Variants in DPYD observed in about 807,000 individuals in gnomAD.
DPYD encodes the protein dihydropyrimidine dehydrogenase [NADP(+)].
A neutral mutation model predicts 116.2 loss-of-function variants in DPYD; 109 were observed. The ratio of observed to expected loss-of-function variants is 0.94; its 90% CI spans 0.80 to 1.10. The LOEUF (loss-of-function observed/expected upper bound fraction) is 1.10. Ranked by LOEUF, DPYD falls within the 50% of genes least tolerant of loss-of-function variation. DPYD has a pLI of 0.00. For missense variants in DPYD, 1,302 were observed against 1,254.5 expected (o/e 1.04, Z -0.57); for synonymous variants, 440 against 432.0 (o/e 1.02, Z -0.23).
Position 97,450,054 on chromosome 1 carries a change from C to T in DPYD, c.1905+5G>A, listed in dbSNP as rs373620536. The stretch of plus-strand genomic sequence containing the variant: ...CTCTTGTTTTAGATGTTAAATCACA[C>T]TTACGTTGTCTGGAAAGTCAGCCTT... On this transcript the variant is annotated splice_donor_5th_base_variant and intron_variant, in intron 14 of 22. Transcript: ENST00000370192. The T allele has an allele frequency of 1.9e-6, 3 of 1,613,838 alleles. No individual in the cohort carries two copies. Among genetic ancestry groups the T allele is most frequent in the African/African-American group, 1.3e-5 (1 of 75,028 alleles).
intron 11 of DPYD, among the ~76,000 whole-genome samples, chr1:97,554,211 C>T (rs1291039448): frequency 1.3e-5 from 2 of 152,106 alleles, no homozygotes; most frequent in African/African-American, 4.8e-5. Context: ...GTCAATTAAA[C>T]TGATGTAGCT....
chr1:97,209,389 T>C (rs566358776), intron 19 of DPYD, among the ~76,000 whole-genome samples: 3 of 152,290 alleles, frequency 2.0e-5, no homozygotes, highest in African/African-American at 4.8e-5. Flanking sequence ...TGCAATAGAA[T>C]TGGCTTTTTT....
intron 3 of DPYD, among the ~76,000 whole-genome samples, chr1:97,794,816 A>G (rs1411370303): frequency 1.3e-5 from 2 of 152,204 alleles, no homozygotes; most frequent in Non-Finnish European, 2.9e-5. Context: ...TTTAGTACAC[A>G]TATCTTTCAC....
intron 16 of DPYD, among the ~76,000 whole-genome samples, chr1:97,318,552 C>T (rs1668012238): frequency 6.6e-6 from 1 of 151,920 alleles, no homozygotes; most frequent in East Asian, 1.9e-4. Context: ...ATTTATGCAA[C>T]CAATACAGGA....
chr1:97,113,347 T>TATC (rs1294574324), intron 20 of DPYD, among the ~76,000 whole-genome samples: 1 of 152,078 alleles, frequency 6.6e-6, no homozygotes, highest in African/African-American at 2.4e-5. Context: ...CATTATTGAC[T>TATC]ATCAGAAAGG....
chr1:97,672,785 A>G (rs534263437), intron 8 of DPYD, among the ~76,000 whole-genome samples: 1 of 152,216 alleles, frequency 6.6e-6, no homozygotes, highest in Non-Finnish European at 1.5e-5. Context: ...TTGTGAAGGC[A>G]TGAGAGATTT....
intron 16 of DPYD, among the ~76,000 whole-genome samples, chr1:97,334,351 T>C (rs1669177243): frequency 1.3e-5 from 2 of 152,324 alleles, no homozygotes; most frequent in South Asian, 4.1e-4. Context: ...CTAGAGGAAC[T>C]GCAACTGCTC....
intron 12 of DPYD, among the ~76,000 whole-genome samples, chr1:97,531,963 T>C (rs965372997): frequency 1.3e-5 from 2 of 152,162 alleles, no homozygotes; most frequent in African/African-American, 4.8e-5. Context: ...GTATGTTGAT[T>C]TGAATCCTGC....
intron 18 of DPYD, among the ~76,000 whole-genome samples, chr1:97,303,726 TAGAAATGA>T (rs576444206): frequency 4.7e-4 from 71 of 152,156 alleles, no homozygotes; most frequent in Admixed American, 2.0e-3. Flanking sequence ...TAGAACCTAT[TAGAAATGA>T]GGTACAAGTC....
At chr1:97,884,971 C>A (rs377511098) in intron 1 of DPYD, among the ~76,000 whole-genome samples, 20 of 151,916 alleles carry the variant, frequency 1.3e-4, no homozygotes, top group African/African-American at 4.8e-4. Flanking sequence ...ACACCTGAAT[C>A]AGAAGTAAAG....
intron 5 of DPYD, among the ~76,000 whole-genome samples, chr1:97,719,165 CAAAAAAAAAAAAAA>C (rs1005459699): frequency 1.0e-4 from 5 of 48,218 alleles, no homozygotes; most frequent in South Asian, 1.2e-3. Context: ...CCAACCCTGC[CAAAAAAAAAAAAAA>C]AAAAAAAAAA....
At chr1:97,399,463 GT>G (rs1158459392) in intron 14 of DPYD, among the ~76,000 whole-genome samples, 6 of 152,012 alleles carry the variant, frequency 3.9e-5, no homozygotes, top group Admixed American at 1.3e-4. Context: ...CTTTAAAGTA[GT>G]TTTTTTCCAA....
chr1:97,383,691 A>C (rs1298095891), intron 14 of DPYD, among the ~76,000 whole-genome samples: 1 of 152,156 alleles, frequency 6.6e-6, no homozygotes, highest in Admixed American at 6.5e-5. Context: ...GAACAGCGCC[A>C]GGACCCAGAG....
chr1:97,590,299 T>G (rs2102242696), intron 10 of DPYD, among the ~76,000 whole-genome samples: 1 of 152,298 alleles, frequency 6.6e-6, no homozygotes, highest in South Asian at 2.1e-4. Context: ...CCTATAATTA[T>G]GAGATGAACC....
chr1:97,536,739 T>A (rs887021445), intron 12 of DPYD, among the ~76,000 whole-genome samples: 2 of 152,188 alleles, frequency 1.3e-5, no homozygotes, highest in African/African-American at 4.8e-5. Context: ...CACCCAGATT[T>A]CACAGGGGCT....
In DPYD at chr1:97,106,528, G is replaced by A. The variant is rs574762973; in HGVS notation, c.2623-7896C>T. ...AGTGAGAGCTAGGACATCCATCTTC[G>A]CATGCTCTTGGATATCAGAGCTCTA... On this transcript the variant is annotated intron_variant, in intron 20 of 22. Coordinates refer to ENST00000370192, the MANE Select transcript of DPYD (RefSeq NM_000110.4). Among the ~76,000 whole-genome samples the A allele has an allele frequency of 1.2e-4, 18 of 152,220 alleles. No individual in the cohort carries two copies. The South Asian group carries it at 2.7e-3, about 23-fold the overall frequency.
chr1:97,409,667 C>G (rs1383186645), intron 14 of DPYD, among the ~76,000 whole-genome samples: 1 of 152,162 alleles, frequency 6.6e-6, no homozygotes, highest in Admixed American at 6.5e-5. Context: ...AAACATGTTG[C>G]ATACCCTCCC....
At chr1:97,096,898 T>TA (rs1650292040) in intron 21 of DPYD, among the ~76,000 whole-genome samples, 1 of 152,108 alleles carries the variant, frequency 6.6e-6, no homozygotes, top group African/African-American at 2.4e-5. Flanking sequence ...TTGCCACATT[T>TA]AAGAGCTGTA....
At chr1:97,131,057 T>C (rs72726604) in intron 20 of DPYD, among the ~76,000 whole-genome samples, 1 of 152,164 alleles carries the variant, frequency 6.6e-6, no homozygotes, top group Non-Finnish European at 1.5e-5. Flanking sequence ...GTAAGTTCTA[T>C]TTCCTGTAAA....
Sources: allele counts gnomAD v4.1 joint callset (sites outside exome capture counted in the v4.1 genomes callset), GRCh38; gene constraint gnomAD v4.1.1; transcripts MANE v1.5; gene names NCBI Gene and HGNC (gene_info 2026-07-23, HGNC 2026-07-21).